Variants in PAK4 observed in about 807,000 individuals in gnomAD.
PAK4 encodes p21 (RAC1) activated kinase 4.
A neutral mutation model predicts 53.5 loss-of-function variants in PAK4; 49 were observed. The observed-to-expected ratio is 0.92, with a 90% CI of 0.73 to 1.16. The LOEUF (loss-of-function observed/expected upper bound fraction) is 1.16. PAK4 is among the 50% of genes most tolerant of loss of function. The probability of loss-of-function intolerance (pLI) is 0.00; values close to 1 mark genes in which losing one functional copy is unlikely to be tolerated. For missense variants in PAK4, 824 were observed against 850.7 expected, an observed-to-expected ratio of 0.97 and a Z score of 0.39; for synonymous variants, 376 against 375.6, an observed-to-expected ratio of 1.00 and a Z score of -0.01.
chr19:39,163,615 G>A (rs553360614), intron 1 of PAK4, among the ~76,000 whole-genome samples: 101 of 152,296 alleles, frequency 6.6e-4, no homozygotes, highest in African/African-American at 2.0e-3. Flanking sequence ...TGTCCCGCAT[G>A]TTAAAGAATT....
At chr19:39,162,726 C>G (rs1055849399) in intron 1 of PAK4, among the ~76,000 whole-genome samples, 1 of 152,166 alleles carries the variant, frequency 6.6e-6, no homozygotes, top group African/African-American at 2.4e-5. Context: ...GTGAGTGCTG[C>G]GAGGACAGGG....
chr19:39,155,239 G>A (rs545262160), intron 1 of PAK4, among the ~76,000 whole-genome samples: 33 of 152,282 alleles, frequency 2.2e-4, no homozygotes, highest in African/African-American at 5.1e-4. Flanking sequence ...GTCAACTCCC[G>A]TGGGCAGGAA....
intron 1 of PAK4, among the ~76,000 whole-genome samples, chr19:39,157,829 GC>G (rs1825527674): frequency 6.6e-6 from 1 of 152,226 alleles, no homozygotes. Context: ...GAGAAGAATG[GC>G]CCGGGAGCTT....
intron 1 of PAK4, among the ~76,000 whole-genome samples, chr19:39,139,642 C>T (rs2073878505): frequency 6.6e-6 from 1 of 152,170 alleles, no homozygotes; most frequent in Non-Finnish European, 1.5e-5. Context: ...ATCAGTCTGT[C>T]TCAGTCTCTC....
chr19:39,169,493 G>A (rs1349855784), intron 1 of PAK4, 39 bp from the exon 3 acceptor site: 4 of 1,414,566 alleles, frequency 2.8e-6, no homozygotes, highest in East Asian at 2.3e-5. Flanking sequence ...AAGAGACATG[G>A]GCAGGCTCTC....
chr19:39,160,645 C>T (rs1003094978), intron 1 of PAK4, among the ~76,000 whole-genome samples: 1 of 152,154 alleles, frequency 6.6e-6, no homozygotes, highest in African/African-American at 2.4e-5. Context: ...CGGAGGCAGC[C>T]AGCGCGGCTG....
chr19:39,149,468 A>G (rs539230556), intron 1 of PAK4, among the ~76,000 whole-genome samples: 14 of 152,302 alleles, frequency 9.2e-5, no homozygotes, highest in South Asian at 8.3e-4. Context: ...GAAAGCATGC[A>G]TGGAGTCCCA....
chr19:39,151,042 G>A (rs1458240065), intron 1 of PAK4, among the ~76,000 whole-genome samples: 2 of 152,246 alleles, frequency 1.3e-5, no homozygotes, highest in Non-Finnish European at 2.9e-5. Flanking sequence ...TGTGGCCGGA[G>A]CAGGTGGTTG....
At chr19:39,144,070 A>C (rs2073956429) in intron 1 of PAK4, among the ~76,000 whole-genome samples, 1 of 152,154 alleles carries the variant, frequency 6.6e-6, no homozygotes, top group African/African-American at 2.4e-5. Context: ...GATAGATAAG[A>C]TAGAGCGAGC....
chr19:39,157,946 C>T (rs1396002080), intron 1 of PAK4, among the ~76,000 whole-genome samples: 1 of 152,222 alleles, frequency 6.6e-6, no homozygotes, highest in African/African-American at 2.4e-5. Flanking sequence ...GTGGTGTCAG[C>T]TGCGGACATC....
rs1266465691 is a variant in PAK4 at position 39,131,852 on chromosome 19, TC to T, written c.-23+5936del. On this transcript the variant is annotated intron_variant, in intron 1 of 8. Coordinates refer to ENST00000358301, the Ensembl canonical transcript of PAK4. ...GCCCCTGGGGAAGAGACAAAGAACT[TC>T]CCTGGGCCTCTGATTCCTCACCTGT... is the stretch of plus-strand genomic sequence containing the variant. 2.0e-5 allele frequency among the ~76,000 whole-genome samples: 3 copies of T among 152,288 alleles called. No homozygotes were observed. The East Asian group carries it at 5.8e-4, about 29-fold the overall frequency.
At chr19:39,132,777 T>C (rs1242275877) in intron 1 of PAK4, among the ~76,000 whole-genome samples, 3 of 152,236 alleles carry the variant, frequency 2.0e-5, no homozygotes, top group Non-Finnish European at 4.4e-5. Flanking sequence ...CCCCCCAGTG[T>C]CTGATGACAC....
At chr19:39,160,235 C>A (rs1405729859) in intron 1 of PAK4, among the ~76,000 whole-genome samples, 2 of 152,242 alleles carry the variant, frequency 1.3e-5, no homozygotes, top group African/African-American at 4.8e-5. Context: ...CGGCCCCATC[C>A]CCGTGCCCTG....
At chr19:39,156,455 G>A (rs1307279685) in intron 1 of PAK4, among the ~76,000 whole-genome samples, 1 of 152,198 alleles carries the variant, frequency 6.6e-6, no homozygotes, top group African/African-American at 2.4e-5. Context: ...CTGGCACCTA[G>A]CCTGGCATAG....
In PAK4 at chr19:39,175,997, A is replaced by G. The variant is rs2074597349; in HGVS notation, c.1359+559A>G. 6.6e-6 allele frequency among the ~76,000 whole-genome samples: 1 copy of G among 152,106 alleles called. No homozygotes were observed. Among genetic ancestry groups the G allele is most frequent in the Admixed American group, 6.5e-5 (1 of 15,268 alleles). ...GCTCTGTGTCACTGACAGTCTGAAAATCTCCAGATGTCTATAGATGTGTTT... is the reference window on the plus strand; with the variant it reads ...GCTCTGTGTCACTGACAGTCTGAAAGTCTCCAGATGTCTATAGATGTGTTT... On this transcript the variant is annotated intron_variant, in intron 6 of 8. Coordinates refer to ENST00000358301, the Ensembl canonical transcript of PAK4. This position sits in a 1 kb window ranked among gnomAD's most constrained non-coding sequence, Gnocchi z 4.7.
At position 39,178,764 on chromosome 19, in the gene PAK4, A is replaced by G; in HGVS notation, c.*185A>G. Reference sequence around the variant, plus strand: ...CAGTTTTGATCTCGTGACTTTTAGAAAAACACAGGGACTCGTGGGAGCAAG... The same window carrying G: ...CAGTTTTGATCTCGTGACTTTTAGAGAAACACAGGGACTCGTGGGAGCAAG... On this transcript the variant is annotated 3_prime_UTR_variant, in exon 9 of 9. Coordinates refer to ENST00000358301, the Ensembl canonical transcript of PAK4. This position sits in a 1 kb window ranked among gnomAD's most constrained non-coding sequence, Gnocchi z 4.4. The G allele has an allele frequency of 1.9e-6, 1 of 531,684 alleles. No individual in the cohort carries two copies. Among genetic ancestry groups the G allele is most frequent in the Non-Finnish European group, 3.3e-6 (1 of 303,872 alleles). The allele number at this position is 531,684 out of a possible 1,614,324, so 32.9% of individuals were successfully genotyped here.
chr19:39,162,747 C>T (rs1051129823), intron 1 of PAK4, among the ~76,000 whole-genome samples: 3 of 152,332 alleles, frequency 2.0e-5, no homozygotes, highest in South Asian at 2.1e-4. Context: ...ATGTTTCTGA[C>T]TGTTGGGTGC....
At chr19:39,166,653 A>C (rs946188590) in intron 1 of PAK4, among the ~76,000 whole-genome samples, 6 of 152,204 alleles carry the variant, frequency 3.9e-5, no homozygotes, top group African/African-American at 1.4e-4. Flanking sequence ...AGCCCTAGGC[A>C]GCCTGACTGC....
intron 2 of PAK4, among the ~76,000 whole-genome samples, chr19:39,170,640 G>A (rs1366897190): frequency 6.6e-6 from 1 of 152,238 alleles, no homozygotes; most frequent in Non-Finnish European, 1.5e-5. Flanking sequence ...TGCATCCAGC[G>A]GGTGGAGATG....
Sources: allele counts gnomAD v4.1 joint callset (sites outside exome capture counted in the v4.1 genomes callset), GRCh38; gene constraint gnomAD v4.1.1; non-coding constraint Gnocchi (gnomAD v3.1); transcripts MANE v1.5; gene names NCBI Gene and HGNC (gene_info 2026-07-23, HGNC 2026-07-21).